Variants in TSHZ2 observed in about 807,000 individuals in gnomAD.
The protein encoded by TSHZ2 is teashirt homolog 2.
In TSHZ2, 21 loss-of-function variants were observed where a neutral mutation model predicts 74.4. That is an observed-to-expected ratio of 0.28 (90% CI 0.20 to 0.41). The LOEUF (loss-of-function observed/expected upper bound fraction) is 0.41. Ranked by LOEUF, TSHZ2 falls within the 10% of genes least tolerant of loss-of-function variation. The pLI, the probability that TSHZ2 is intolerant of heterozygous loss-of-function variation, is 1.00. For synonymous variants in TSHZ2, 540 were observed against 515.3 expected (o/e 1.05, Z -0.65); for missense variants, 1,244 against 1,293.5 (o/e 0.96, Z 0.59).
chr20:53,274,594 A>T (rs1441282438), intron 2 of TSHZ2, among the ~76,000 whole-genome samples: 1 of 152,216 alleles, frequency 6.6e-6, no homozygotes, highest in Non-Finnish European at 1.5e-5. Flanking sequence ...GATCAGGGGA[A>T]AGCTGAGGTA....
intron 2 of TSHZ2, among the ~76,000 whole-genome samples, chr20:53,298,560 T>G (rs1394430272): frequency 2.6e-5 from 4 of 152,172 alleles, no homozygotes. Flanking sequence ...TTGGCTTGTT[T>G]GGGAAACAGC....
intron 2 of TSHZ2, among the ~76,000 whole-genome samples, chr20:53,292,611 A>AT (rs904106708): frequency 6.6e-6 from 1 of 151,758 alleles, no homozygotes; most frequent in Non-Finnish European, 1.5e-5. Flanking sequence ...CCATGGCCAG[A>AT]TTTTTTTTAA....
intron 1 of TSHZ2, among the ~76,000 whole-genome samples, chr20:52,987,487 C>G (rs1349182295): frequency 2.0e-5 from 3 of 151,414 alleles, no homozygotes; most frequent in African/African-American, 7.3e-5. Flanking sequence ...TCTCCTCTCT[C>G]TCTCTCTTTC....
chr20:53,176,906 C>T (rs759104145), intron 1 of TSHZ2, among the ~76,000 whole-genome samples: 12 of 152,138 alleles, frequency 7.9e-5, no homozygotes, highest in Non-Finnish European at 1.5e-4. Flanking sequence ...AGGAAGGTCT[C>T]GAACTCTTGA....
chr20:53,127,025 A>G (rs1191941769), intron 1 of TSHZ2, among the ~76,000 whole-genome samples: 3 of 152,192 alleles, frequency 2.0e-5, no homozygotes, highest in African/African-American at 7.2e-5. Context: ...AGGTAAAAAA[A>G]AAGAAGAAGA....
At chr20:52,986,334 G>A (rs1197164095) in intron 1 of TSHZ2, among the ~76,000 whole-genome samples, 20 of 151,516 alleles carry the variant, frequency 1.3e-4, no homozygotes, top group East Asian at 5.8e-4. Flanking sequence ...CCCGGGAGGC[G>A]GAGGTTGCAG....
At chr20:53,409,146 G>C (rs1407656904) in intron 2 of TSHZ2, among the ~76,000 whole-genome samples, 2 of 152,144 alleles carry the variant, frequency 1.3e-5, no homozygotes, top group Non-Finnish European at 2.9e-5. Flanking sequence ...TATAACAGAA[G>C]GGGGGATGTG....
At chr20:52,981,227 G>T (rs1275277809) in intron 1 of TSHZ2, among the ~76,000 whole-genome samples, 1 of 152,148 alleles carries the variant, frequency 6.6e-6, no homozygotes, top group Non-Finnish European at 1.5e-5. Flanking sequence ...CTTGCCCCAC[G>T]CTAGTTATTT....
intron 1 of TSHZ2, among the ~76,000 whole-genome samples, chr20:53,077,450 G>A (rs900082027): frequency 6.6e-6 from 1 of 151,370 alleles, no homozygotes; most frequent in East Asian, 1.9e-4. Flanking sequence ...GGGATCATCT[G>A]TACAGTTGGA....
intron 2 of TSHZ2, among the ~76,000 whole-genome samples, chr20:53,440,476 G>T (rs1296530555): frequency 6.6e-6 from 1 of 152,058 alleles, no homozygotes; most frequent in African/African-American, 2.4e-5. Flanking sequence ...TTCTTTGTTC[G>T]TATCTATGAT....
intron 2 of TSHZ2, among the ~76,000 whole-genome samples, chr20:53,265,755 C>G (rs889433174): frequency 1.3e-5 from 2 of 152,220 alleles, no homozygotes; most frequent in African/African-American, 4.8e-5. Flanking sequence ...GAAGGTTTTA[C>G]ATACACATAA....
intron 1 of TSHZ2, among the ~76,000 whole-genome samples, chr20:52,987,432 C>T (rs1981811641): frequency 6.6e-6 from 1 of 151,882 alleles, no homozygotes; most frequent in Admixed American, 6.6e-5. Context: ...TATATAAGTT[C>T]CCTTTTTTTA....
chr20:53,223,638 C>A (rs1989614189), intron 1 of TSHZ2, among the ~76,000 whole-genome samples: 1 of 152,150 alleles, frequency 6.6e-6, no homozygotes, highest in East Asian at 1.9e-4. Context: ...CGAAGTGATC[C>A]TCCTACCTCG....
At chr20:53,397,318 T>C (rs944884534) in intron 2 of TSHZ2, among the ~76,000 whole-genome samples, 2 of 152,120 alleles carry the variant, frequency 1.3e-5, no homozygotes, top group African/African-American at 2.4e-5. Context: ...GGGCGAAGGA[T>C]ATGAACAGAC....
At chr20:53,392,905 G>A (rs1489295481) in intron 2 of TSHZ2, among the ~76,000 whole-genome samples, 1 of 152,088 alleles carries the variant, frequency 6.6e-6, no homozygotes, top group Non-Finnish European at 1.5e-5. Context: ...CATGATCTGG[G>A]CTCATTCAAC....
chr20:53,203,434 A>G (rs1033375834), intron 1 of TSHZ2, among the ~76,000 whole-genome samples: 2 of 152,040 alleles, frequency 1.3e-5, no homozygotes, highest in African/African-American at 4.8e-5. Flanking sequence ...ACCCCAAGTG[A>G]TGTGCCCACC....
intron 2 of TSHZ2, among the ~76,000 whole-genome samples, chr20:53,367,121 C>T (rs925356953): frequency 2.0e-5 from 3 of 151,962 alleles, no homozygotes; most frequent in African/African-American, 4.8e-5. Flanking sequence ...CTCAGCCGGG[C>T]GTGGTGACTC....
intron 1 of TSHZ2, among the ~76,000 whole-genome samples, chr20:53,203,356 G>A (rs546363504): frequency 3.8e-4 from 57 of 151,986 alleles, no homozygotes; most frequent in African/African-American, 1.3e-3. Flanking sequence ...CACCATACCT[G>A]GCTAATTTTT....
chr20:53,434,705 A>G (rs1983978962), intron 2 of TSHZ2, among the ~76,000 whole-genome samples: 1 of 152,248 alleles, frequency 6.6e-6, no homozygotes, highest in African/African-American at 2.4e-5. Flanking sequence ...CAAAGCAAGC[A>G]GACACCATTA....
Sources: allele counts gnomAD v4.1 joint callset (sites outside exome capture counted in the v4.1 genomes callset), GRCh38; gene constraint gnomAD v4.1.1; transcripts MANE v1.5; gene names NCBI Gene and HGNC (gene_info 2026-07-23, HGNC 2026-07-21).